PCDHA5: variants seen among roughly 807,000 people sequenced by gnomAD.
The protein encoded by PCDHA5 is protocadherin alpha 5.
Under a neutral mutation model 61.6 loss-of-function variants are expected in PCDHA5, and 43 were observed. That is an observed-to-expected ratio of 0.70 (90% CI 0.55 to 0.90). The LOEUF is 0.90. Among genes scored for constraint, PCDHA5 ranks in the 40% least tolerant of loss-of-function variants. The pLI, the probability that PCDHA5 is intolerant of heterozygous loss-of-function variation, is 0.00. For missense variants in PCDHA5, 1,298 were observed against 1,222.7 expected, an observed-to-expected ratio of 1.06 and a Z score of -0.92; for synonymous variants, 627 against 543.9, an observed-to-expected ratio of 1.15 and a Z score of -2.13.
intron 1 of PCDHA5, chr5:140,858,085 G>T: frequency 6.3e-7 from 1 of 1,597,828 alleles, no homozygotes; most frequent in South Asian, 1.1e-5. Context: ...AGGCCTCGTC[G>T]CGGGCTTCAG....
intron 1 of PCDHA5, among the ~76,000 whole-genome samples, chr5:140,910,040 G>C (rs552041915): frequency 1.3e-5 from 2 of 152,276 alleles, no homozygotes; most frequent in South Asian, 4.2e-4. Context: ...AATCCCACTT[G>C]GTCATAATAA....
intron 1 of PCDHA5, chr5:140,877,758 G>T (rs782480713): frequency 6.2e-7 from 1 of 1,614,190 alleles, no homozygotes; most frequent in East Asian, 2.2e-5. Flanking sequence ...GCTCTGCAGA[G>T]AGCCCGCCCA....
chr5:140,822,084 C>T lies in PCDHA5; in HGVS notation c.309C>T (p.Ile103=), dbSNP rs2150113560. The T allele has an allele frequency of 1.2e-6, 2 of 1,614,224 alleles. No homozygotes were observed. The highest frequency in any genetic ancestry group is 1.7e-6 in the Non-Finnish European group (2 of 1,180,050). ...ELCRRRAECS[I]HLEVIVDRPL... ...GCCGGCGGAGGGCGGAGTGCAGCAT[C>T]CACCTGGAGGTGATCGTGGACAGGC... The change falls in exon 1 of 4, where the codon ATC becomes ATT. Residue 103 remains isoleucine (I), a synonymous_variant. Transcript: ENST00000529859.
rs79215949 is a variant in PCDHA5 at position 140,921,420 on chromosome 5, C to T, written c.2353-57529C>T. Among the ~76,000 whole-genome samples, 1,220 of 152,204 alleles carry T rather than the reference C, an allele frequency of 8.0e-3. 6 individuals carry two copies. The highest frequency in any genetic ancestry group is 0.019 in the African/African-American group (786 of 41,526). On this transcript the variant is annotated intron_variant, in intron 1 of 3. Coordinates refer to ENST00000529859, the MANE Select transcript of PCDHA5 (RefSeq NM_018908.3). Reference sequence around the variant, plus strand: ...ACTAGATTTTCCTCTGTGCTGCAGACAAAAATTTTCTTCAATGGTGTCTGA... The same window carrying T: ...ACTAGATTTTCCTCTGTGCTGCAGATAAAAATTTTCTTCAATGGTGTCTGA...
intron 1 of PCDHA5, among the ~76,000 whole-genome samples, chr5:140,839,661 T>C (rs1554137540): frequency 1.3e-5 from 2 of 152,120 alleles, no homozygotes; most frequent in African/African-American, 4.8e-5. Context: ...TGTTTGCTAC[T>C]ATTTAGAGTC....
chr5:140,850,142 G>A lies in PCDHA5; in HGVS notation c.2352+26015G>A. 8.8e-6 allele frequency: 14 copies of A among 1,595,712 alleles called. 2 individuals are homozygous for A. Among genetic ancestry groups the A allele is most frequent in the Non-Finnish European group, 1.2e-5 (14 of 1,167,856 alleles). On this transcript the variant is annotated intron_variant, in intron 1 of 3. Transcript: ENST00000529859. ...GCGTGCCGCCTCTGGGCAGCAACGT[G>A]ACGCTGCAGGTGTTCGTGCTGGACG...
chr5:140,838,077 AGT>A (rs2150283763), intron 1 of PCDHA5, among the ~76,000 whole-genome samples: 14,554 of 79,570 alleles, frequency 0.18, 836 homozygotes, highest in Admixed American at 0.23. Context: ...ATATATATAT[AGT>A]GTGTGTGTGT....
intron 1 of PCDHA5, among the ~76,000 whole-genome samples, chr5:140,920,262 T>A (rs1199241403): frequency 2.0e-5 from 3 of 152,216 alleles, no homozygotes; most frequent in African/African-American, 7.2e-5. Flanking sequence ...ATAATAATTA[T>A]TACTTTATGT....
chr5:140,829,656 C>A (rs2150172140), intron 1 of PCDHA5: 1 of 1,612,578 alleles, frequency 6.2e-7, no homozygotes, highest in Admixed American at 1.7e-5. Context: ...GCGCTGCAGC[C>A]GCTGGACCAC....
At chr5:140,993,509 CGGGGAGAGAGAG>C (rs1563592888) in intron 3 of PCDHA5, among the ~76,000 whole-genome samples, 1 of 143,490 alleles carries the variant, frequency 7.0e-6, no homozygotes, top group Admixed American at 7.0e-5. Context: ...CACACACACA[CGGGGAGAGAGAG>C]ACAGAGAGAG....
intron 1 of PCDHA5, among the ~76,000 whole-genome samples, chr5:140,937,898 T>C (rs11950543): frequency 0.02 from 2,906 of 145,270 alleles, 39 homozygotes; most frequent in East Asian, 0.058. Flanking sequence ...GGCGACAGAG[T>C]GAGACTCCGT....
At chr5:140,937,788 T>C (rs2091751340) in intron 1 of PCDHA5, among the ~76,000 whole-genome samples, 1 of 149,320 alleles carries the variant, frequency 6.7e-6, no homozygotes, top group African/African-American at 2.5e-5. Flanking sequence ...GGCGGGCGTA[T>C]GTAGTCCCAG....
At position 140,848,955 on chromosome 5, in the gene PCDHA5, C is replaced by T. The variant is rs2150426444; in HGVS notation, c.2352+24828C>T. On this transcript the variant is annotated intron_variant, in intron 1 of 3. Coordinates refer to ENST00000529859, the MANE Select transcript of PCDHA5 (RefSeq NM_018908.3). ...CAGGCCGCTTGACTCTCGGTTTCCA[C>T]TAGAGGGCGCGTCCGATGCAGATAT... 9.1e-5 allele frequency: 146 copies of T among 1,606,852 alleles called. 6 individuals are homozygous for T. Among genetic ancestry groups the T allele is most frequent in the Middle Eastern group, 1.7e-4 (1 of 6,060 alleles).
intron 1 of PCDHA5, among the ~76,000 whole-genome samples, chr5:140,976,934 C>T (rs995021593): frequency 1.3e-5 from 2 of 152,170 alleles, no homozygotes; most frequent in African/African-American, 2.4e-5. Context: ...TGTGTAGCTA[C>T]TTAAAACATA....
At chr5:140,829,332 A>G in intron 1 of PCDHA5, 1 of 1,614,236 alleles carries the variant, frequency 6.2e-7, no homozygotes, top group Non-Finnish European at 8.5e-7. Context: ...AGTGCCCTGG[A>G]CCGCGAGAGC....
At chr5:140,949,042 G>A (rs2094338452) in intron 1 of PCDHA5, among the ~76,000 whole-genome samples, 2 of 151,644 alleles carry the variant, frequency 1.3e-5, no homozygotes, top group African/African-American at 2.4e-5. Flanking sequence ...TTAAAAGTAT[G>A]TTCTAATTTC....
At chr5:140,928,630 G>A in intron 1 of PCDHA5, 1 of 1,614,210 alleles carries the variant, frequency 6.2e-7, no homozygotes, top group East Asian at 2.2e-5. Context: ...TGGACACTTG[G>A]TCACAAAAGT....
intron 1 of PCDHA5, among the ~76,000 whole-genome samples, chr5:140,910,954 G>A (rs183183329): frequency 3.4e-4 from 51 of 152,174 alleles, no homozygotes; most frequent in Admixed American, 7.2e-4. Flanking sequence ...CTTTTCGAGT[G>A]TAGCACACCT....
intron 2 of PCDHA5, among the ~76,000 whole-genome samples, chr5:140,981,379 G>A (rs1387904235): frequency 1.3e-5 from 2 of 152,152 alleles, no homozygotes; most frequent in Admixed American, 1.3e-4. Flanking sequence ...TTCAAGACCA[G>A]CCTGGTCAAT....
Sources: allele counts gnomAD v4.1 joint callset (sites outside exome capture counted in the v4.1 genomes callset), GRCh38; gene constraint gnomAD v4.1.1; transcripts MANE v1.5; gene names NCBI Gene and HGNC (gene_info 2026-07-23, HGNC 2026-07-21).